NLGN1: variants seen among roughly 807,000 people sequenced by gnomAD.
The protein encoded by NLGN1 is neuroligin-1.
NLGN1 carries 12 observed loss-of-function variants against 65.5 expected under a neutral mutation model. The ratio of observed to expected loss-of-function variants is 0.18; its 90% confidence interval spans 0.12 to 0.30. NLGN1 has a LOEUF of 0.30. Ranked by LOEUF, NLGN1 falls within the 10% of genes least tolerant of loss-of-function variation. The pLI is 1.00. For missense variants in NLGN1, 750 were observed against 1,007.1 expected (o/e 0.74, Z 3.46); for synonymous variants, 350 against 359.5 (o/e 0.97, Z 0.30).
intron 4 of NLGN1, among the ~76,000 whole-genome samples, chr3:173,813,619 A>C (rs1388490561): frequency 1.3e-5 from 2 of 152,238 alleles, no homozygotes; most frequent in Admixed American, 6.5e-5. Flanking sequence ...GACAATGCAC[A>C]CAAATAAATA....
At chr3:174,187,365 G>A (rs1731601722) in intron 4 of NLGN1, among the ~76,000 whole-genome samples, 1 of 151,914 alleles carries the variant, frequency 6.6e-6, no homozygotes. Context: ...CTGGATTATT[G>A]ACTTATAATC....
intron 4 of NLGN1, among the ~76,000 whole-genome samples, chr3:173,825,709 G>A (rs1721208459): frequency 6.6e-6 from 1 of 151,974 alleles, no homozygotes; most frequent in Non-Finnish European, 1.5e-5. Context: ...CTAAGAAATG[G>A]TAAAATTAAA....
rs148646002 is a variant in NLGN1 at position 173,948,090 on chromosome 3, G to T, written c.646+140258G>T. On this transcript the variant is annotated intron_variant, in intron 4 of 6. Coordinates refer to ENST00000457714, the Ensembl canonical transcript of NLGN1. ...TACAGGGTTCTGTGATACAATGTGG[G>T]AGACAGCACAGAGGTGTAGCTATGA... 1.8e-3 allele frequency among the ~76,000 whole-genome samples: 271 copies of T among 152,306 alleles called. 6 individuals are homozygous for T. The East Asian group carries it at 0.042, about 24-fold the overall frequency.
intron 4 of NLGN1, among the ~76,000 whole-genome samples, chr3:174,174,121 C>A (rs949049098): frequency 2.2e-4 from 33 of 150,672 alleles, no homozygotes; most frequent in Admixed American, 5.3e-4. Flanking sequence ...ATAATAGTCT[C>A]CAATCTCATC....
chr3:173,609,004 A>G (rs947446617), intron 3 of NLGN1, among the ~76,000 whole-genome samples: 2 of 152,010 alleles, frequency 1.3e-5, no homozygotes, highest in African/African-American at 2.4e-5. Context: ...CCTGGCTGCT[A>G]TCAAGGAGTT....
In NLGN1 at chr3:173,781,794, G is replaced by A. The variant is rs141412996; in HGVS notation, c.494-25886G>A. ...CCACTGAAGCAATATATGTTGATGT[G>A]TTTTGAAAAAGATGAAATATTTTTT... On this transcript the variant is annotated intron_variant, in intron 3 of 6. Coordinates refer to ENST00000457714, the Ensembl canonical transcript of NLGN1. 6.5e-4 allele frequency among the ~76,000 whole-genome samples: 99 copies of A among 152,320 alleles called. 2 individuals are homozygous for A. The East Asian group carries it at 0.017, about 26-fold the overall frequency.
chr3:173,924,414 T>G (rs1248252829), intron 4 of NLGN1, among the ~76,000 whole-genome samples: 1 of 152,106 alleles, frequency 6.6e-6, no homozygotes, highest in Non-Finnish European at 1.5e-5. Flanking sequence ...CTTTTAACTG[T>G]GCAGGGCTTT....
intron 4 of NLGN1, among the ~76,000 whole-genome samples, chr3:174,110,215 A>G (rs997180233): frequency 2.0e-5 from 3 of 151,968 alleles, no homozygotes; most frequent in Admixed American, 6.6e-5. Flanking sequence ...TTAATTCTCT[A>G]TTCCATTGAG....
At chr3:173,578,818 C>T (rs1177430879) in intron 2 of NLGN1, among the ~76,000 whole-genome samples, 3 of 152,312 alleles carry the variant, frequency 2.0e-5, no homozygotes, top group African/African-American at 7.2e-5. Context: ...AGCGTAAATA[C>T]TGCCTCACAA....
intron 4 of NLGN1, among the ~76,000 whole-genome samples, chr3:174,211,530 TAC>T (rs1192274689): frequency 6.7e-6 from 1 of 148,856 alleles, no homozygotes; most frequent in African/African-American, 2.5e-5. Flanking sequence ...TTGAGCTAGA[TAC>T]AGAGTGCCGA....
chr3:173,960,815 T>C lies in NLGN1; in HGVS notation c.646+152983T>C, dbSNP rs147695514. Among the ~76,000 whole-genome samples the C allele has an allele frequency of 3.2e-3, 484 of 152,086 alleles. 1 individual carries two copies. Among genetic ancestry groups the C allele is most frequent in the African/African-American group, 0.011 (455 of 41,554 alleles). ...TTCTGTCCATCTACACTGGAAGTTC[T>C]AAAGGGTTTATCTTTATATAGTTAA... On this transcript the variant is annotated intron_variant, in intron 4 of 6. Transcript: ENST00000457714.
chr3:173,937,428 A>G (rs944204429), intron 4 of NLGN1, among the ~76,000 whole-genome samples: 4 of 152,074 alleles, frequency 2.6e-5, no homozygotes, highest in African/African-American at 9.7e-5. Flanking sequence ...AAATTGGGAG[A>G]TTAGATTTAT....
intron 3 of NLGN1, among the ~76,000 whole-genome samples, chr3:173,609,112 T>C (rs1751859799): frequency 6.6e-6 from 1 of 151,902 alleles, no homozygotes; most frequent in Non-Finnish European, 1.5e-5. Flanking sequence ...ACAGTAAACA[T>C]GAGAAGGAGA....
intron 3 of NLGN1, among the ~76,000 whole-genome samples, chr3:173,761,074 T>C (rs1777901451): frequency 6.6e-6 from 1 of 152,054 alleles, no homozygotes; most frequent in Admixed American, 6.6e-5. Flanking sequence ...CCAGCTGTAT[T>C]GTGTAGTACA....
At chr3:173,650,913 C>T (rs932475507) in intron 3 of NLGN1, among the ~76,000 whole-genome samples, 7 of 151,072 alleles carry the variant, frequency 4.6e-5, no homozygotes, top group Non-Finnish European at 7.4e-5. Context: ...TTTCTAACTC[C>T]TTGCCTGTTT....
chr3:173,608,150 TA>T (rs1751683860), intron 3 of NLGN1, among the ~76,000 whole-genome samples: 1 of 151,954 alleles, frequency 6.6e-6, no homozygotes, highest in South Asian at 2.1e-4. Context: ...TGTTGTTCTA[TA>T]ATTTTTAAAT....
intron 3 of NLGN1, among the ~76,000 whole-genome samples, chr3:173,736,883 C>G (rs1312121063): frequency 6.6e-6 from 1 of 151,836 alleles, no homozygotes; most frequent in Non-Finnish European, 1.5e-5. Flanking sequence ...TGCATAATAC[C>G]TCTGTTTAAT....
At chr3:173,779,201 AATTTT>A (rs1436053542) in intron 3 of NLGN1, among the ~76,000 whole-genome samples, 1 of 151,904 alleles carries the variant, frequency 6.6e-6, no homozygotes, top group Non-Finnish European at 1.5e-5. Flanking sequence ...ATTAGCTCAA[AATTTT>A]ATTTTAACAC....
At chr3:174,082,486 G>C (rs993654415) in intron 4 of NLGN1, among the ~76,000 whole-genome samples, 1 of 151,694 alleles carries the variant, frequency 6.6e-6, no homozygotes, top group African/African-American at 2.4e-5. Flanking sequence ...GCAATTGGCA[G>C]CATGTTATTC....
Sources: gnomAD v4.1 joint callset for allele counts (sites outside exome capture counted in the v4.1 genomes callset) on GRCh38, gnomAD v4.1.1 for gene constraint, MANE v1.5 for transcripts, NCBI Gene and HGNC (gene_info 2026-07-23, HGNC 2026-07-21) for gene names.